Variants in PPARGC1A observed in about 807,000 individuals in gnomAD.
PPARGC1A encodes the protein PPARG coactivator 1 alpha, also known as peroxisome proliferator-activated receptor gamma coactivator 1-alpha.
Under a neutral mutation model 88.7 loss-of-function variants are expected in PPARGC1A, and 25 were observed. That is an observed-to-expected ratio of 0.28 (90% confidence interval 0.21 to 0.39). PPARGC1A has a LOEUF of 0.39. Ranked by LOEUF, PPARGC1A falls within the 10% of genes least tolerant of loss-of-function variation. The probability of loss-of-function intolerance (pLI) is 1.00; values close to 1 mark genes in which losing one functional copy is unlikely to be tolerated. For synonymous variants in PPARGC1A, 363 were observed against 355.6 expected, an observed-to-expected ratio of 1.02 and a Z score of -0.24; for missense variants, 880 against 968.7, an observed-to-expected ratio of 0.91 and a Z score of 1.22.
chr4:23,997,615 G>A, the PPARGC1A span, among the ~76,000 whole-genome samples: 1 of 147,166 alleles, frequency 6.8e-6, no homozygotes, highest in Non-Finnish European at 1.5e-5. Flanking sequence ...CATTTCTCGT[G>A]CTCAGCCTCC....
At chr4:24,465,155 C>T in the PPARGC1A span, among the ~76,000 whole-genome samples, 56 of 152,242 alleles carry the variant, frequency 3.7e-4, no homozygotes, top group Non-Finnish European at 6.2e-4. Context: ...TGCGAAAAAC[C>T]GTGCTCTGGC....
chr4:24,006,141 C>T, the PPARGC1A span, among the ~76,000 whole-genome samples: 3 of 152,248 alleles, frequency 2.0e-5, no homozygotes, highest in African/African-American at 4.8e-5. Flanking sequence ...CTCTACCTCC[C>T]GGGTTGAAGC....
chr4:23,802,339 G>T lies in PPARGC1A; in HGVS notation c.2026C>A (p.Arg676Ser). ...ATTTTACCGACATAAATCACACGGC[G>T]CTCTTCCTATGGGGGGAAGGAAGGA... ...ERQRQKAIEE[R>S]RVIYVGKIRP... The change falls in exon 11 of 13, where the codon CGC becomes AGC. Residue 676 changes from arginine to serine, a missense_variant. Transcript: ENST00000264867. The T allele has an allele frequency of 6.2e-7, 1 of 1,613,966 alleles. No homozygotes were observed. Among genetic ancestry groups the T allele is most frequent in the African/African-American group, 1.3e-5 (1 of 75,016 alleles).
intron 2 of PPARGC1A, among the ~76,000 whole-genome samples, chr4:23,840,846 A>G (rs1726941678): frequency 1.3e-5 from 2 of 152,044 alleles, no homozygotes; most frequent in African/African-American, 4.8e-5. Context: ...ATCCTCGGAC[A>G]ATTTGTCTTC....
the PPARGC1A span, among the ~76,000 whole-genome samples, chr4:24,064,456 A>C: frequency 6.6e-6 from 1 of 152,040 alleles, no homozygotes; most frequent in African/African-American, 2.4e-5. Flanking sequence ...CCACAGGCTG[A>C]GGGGGAAAGG....
chr4:23,908,792 T>C (rs1030107807), upstream of PPARGC1A, among the ~76,000 whole-genome samples: 17 of 152,192 alleles, frequency 1.1e-4, 1 homozygote, highest in Non-Finnish European at 2.1e-4. Context: ...AGCTCCATGA[T>C]GCCAGGATAA....
chr4:24,303,366 G>A, the PPARGC1A span, among the ~76,000 whole-genome samples: 1 of 152,174 alleles, frequency 6.6e-6, no homozygotes, highest in African/African-American at 2.4e-5. Context: ...ACCATTAGCA[G>A]CATGGGAGAG....
At chr4:24,086,792 G>A in the PPARGC1A span, among the ~76,000 whole-genome samples, 1 of 152,186 alleles carries the variant, frequency 6.6e-6, no homozygotes, top group Non-Finnish European at 1.5e-5. Flanking sequence ...ACCAAGCAGT[G>A]CTTACTGATG....
intron 7 of PPARGC1A, chr4:23,820,443 C>A: frequency 4.6e-6 from 1 of 216,402 alleles, no homozygotes; most frequent in Non-Finnish European, 9.7e-6. Context: ...ACCCAAATTC[C>A]TTCGTGTCTG....
At chr4:24,353,821 G>C in the PPARGC1A span, among the ~76,000 whole-genome samples, 1 of 152,168 alleles carries the variant, frequency 6.6e-6, no homozygotes, top group African/African-American at 2.4e-5. Context: ...GATTTTGATA[G>C]GAAACGACTG....
chr4:24,349,152 C>A, the PPARGC1A span, among the ~76,000 whole-genome samples: 1 of 152,216 alleles, frequency 6.6e-6, no homozygotes, highest in Non-Finnish European at 1.5e-5. Context: ...GATGTGAACC[C>A]TCTATGGGTC....
the PPARGC1A span, among the ~76,000 whole-genome samples, chr4:23,986,279 T>A: frequency 6.2e-4 from 95 of 152,222 alleles, no homozygotes; most frequent in South Asian, 0.013. Flanking sequence ...TAATAAAGAT[T>A]AGCTAGGGGA....
chr4:23,963,244 T>G, the PPARGC1A span, among the ~76,000 whole-genome samples: 1 of 152,164 alleles, frequency 6.6e-6, no homozygotes, highest in Non-Finnish European at 1.5e-5. Context: ...GATATTCATT[T>G]TTCAAATTAT....
At chr4:23,808,978 T>C (rs1720380847) in intron 10 of PPARGC1A, among the ~76,000 whole-genome samples, 2 of 152,054 alleles carry the variant, frequency 1.3e-5, no homozygotes, top group Non-Finnish European at 2.9e-5. Flanking sequence ...TTTTGGAGTC[T>C]CTGTTTTTCT....
the PPARGC1A span, among the ~76,000 whole-genome samples, chr4:24,239,330 A>G: frequency 6.6e-6 from 1 of 152,226 alleles, no homozygotes; most frequent in Non-Finnish European, 1.5e-5. Flanking sequence ...GGCAAAACTC[A>G]GTGGGTTCAC....
intron 2 of PPARGC1A, among the ~76,000 whole-genome samples, chr4:23,864,819 T>C (rs1196115645): frequency 7.9e-5 from 12 of 152,180 alleles, no homozygotes; most frequent in Admixed American, 1.3e-4. Flanking sequence ...AGCAGCAAGC[T>C]TGCAAAGCAC....
At chr4:23,947,840 C>T in the PPARGC1A span, among the ~76,000 whole-genome samples, 2 of 152,192 alleles carry the variant, frequency 1.3e-5, no homozygotes, top group African/African-American at 2.4e-5. Flanking sequence ...AGAGTGGGCA[C>T]AGGGAAATTA....
chr4:24,239,603 G>A, the PPARGC1A span, among the ~76,000 whole-genome samples: 1 of 151,916 alleles, frequency 6.6e-6, no homozygotes, highest in East Asian at 1.9e-4. Flanking sequence ...ACTTATGCAG[G>A]AGGTAGAATC....
the PPARGC1A span, among the ~76,000 whole-genome samples, chr4:24,278,548 A>AT: frequency 8.4e-3 from 1,270 of 152,014 alleles, 26 homozygotes; most frequent in African/African-American, 0.029. Context: ...CAGTGGACAA[A>AT]TTTTTTTTGC....
Sources: gnomAD v4.1 joint callset for allele counts (sites outside exome capture counted in the v4.1 genomes callset) on GRCh38, gnomAD v4.1.1 for gene constraint, MANE v1.5 for transcripts, NCBI Gene and HGNC (gene_info 2026-07-23, HGNC 2026-07-21) for gene names.